Variants in FRMPD2 observed in about 807,000 individuals in gnomAD.
The protein encoded by FRMPD2 is FERM and PDZ domain-containing protein 2.
In FRMPD2, 96 loss-of-function variants were observed where a neutral mutation model predicts 140.1. That is an observed-to-expected ratio of 0.69 (90% CI 0.58 to 0.81). The LOEUF is 0.81. FRMPD2 is among the 40% of genes least tolerant of loss of function. The probability of loss-of-function intolerance (pLI) is 0.00; values close to 1 mark genes in which losing one functional copy is unlikely to be tolerated. For synonymous variants in FRMPD2, 449 were observed against 547.6 expected (o/e 0.82, Z 2.52); for missense variants, 1,240 against 1,447.4 (o/e 0.86, Z 2.32).
Position 48,268,207 on chromosome 10 carries a change from GA to G in FRMPD2, c.25+6335del, listed in dbSNP as rs535409273. On this transcript the variant is annotated intron_variant, in intron 1 of 28. Transcript: ENST00000374201. ...ATATCCCTCCCCACCTATATGACAG[GA>G]AAAAAAAATAAAGTGACAATACCAA... is the stretch of plus-strand genomic sequence containing the variant. Among the ~76,000 whole-genome samples the G allele has an allele frequency of 2.7e-5, 4 of 150,728 alleles. No individual in the cohort carries two copies. The South Asian group carries it at 8.4e-4, about 32-fold the overall frequency.
At chr10:48,246,724 G>A (rs1432997095) in intron 3 of FRMPD2, among the ~76,000 whole-genome samples, 1 of 152,206 alleles carries the variant, frequency 6.6e-6, no homozygotes, top group Non-Finnish European at 1.5e-5. Flanking sequence ...ACTGGGGGAG[G>A]ATTCTGAGCA....
At chr10:48,256,310 C>T (rs10857552) in intron 1 of FRMPD2, among the ~76,000 whole-genome samples, 2 of 152,114 alleles carry the variant, frequency 1.3e-5, no homozygotes, top group Admixed American at 6.5e-5. Flanking sequence ...CCACCTCACC[C>T]GGGCGGCACA....
In FRMPD2 at chr10:48,239,618, G is replaced by A; in HGVS notation, c.775C>T (p.Leu259Phe). Residue 259 changes from leucine (L) to phenylalanine (F), a missense_variant, in exon 7 of 29, where the codon CTC (leucine) becomes TTC (phenylalanine). By Grantham distance (22) the Leu-to-Phe change is conservative. Transcript: ENST00000374201. Reference protein sequence around the residue: ...WSTLTHSHCSLLVNRALPGAD... With the variant: ...WSTLTHSHCSFLVNRALPGAD... ...CTTGCTGCTTACCGGTTAACAAGGA[G>A]GCTGCAGTGACTGTGTGTCAAGGTG... 1.9e-6 allele frequency: 3 copies of A among 1,613,976 alleles called. No homozygotes were observed.
intron 13 of FRMPD2, among the ~76,000 whole-genome samples, chr10:48,208,360 T>C (rs1209969295): frequency 6.6e-6 from 1 of 152,236 alleles, no homozygotes; most frequent in Non-Finnish European, 1.5e-5. Context: ...CAAAGAGAGA[T>C]ACGATGCTTT....
At chr10:48,253,200 T>C (rs576014919) in intron 1 of FRMPD2, among the ~76,000 whole-genome samples, 2 of 152,332 alleles carry the variant, frequency 1.3e-5, no homozygotes, top group African/African-American at 4.8e-5. Flanking sequence ...AGTACAATAA[T>C]TCAATGGAGG....
intron 16 of FRMPD2, 136 bp from the exon 17 acceptor site, chr10:48,187,428 C>T (rs1838716083): frequency 1.5e-6 from 1 of 657,922 alleles, no homozygotes; most frequent in South Asian, 1.8e-5. Flanking sequence ...AGCCTTGTGT[C>T]CAGTCATCCA....
chr10:48,206,106 GGTACAGTGCCAGA>G (rs1160645958), intron 14 of FRMPD2, among the ~76,000 whole-genome samples: 3 of 152,116 alleles, frequency 2.0e-5, no homozygotes, highest in African/African-American at 7.2e-5. Context: ...CAGCCACCAG[GGTACAGTGCCAGA>G]GTGACTCACT....
rs745856507 is a variant in FRMPD2 at position 48,192,914 on chromosome 10, CAT to C, written c.1955-22_1955-21del. On this transcript the variant is annotated intron_variant, in intron 15 of 28. Coordinates refer to ENST00000374201, the MANE Select transcript of FRMPD2 (RefSeq NM_001018071.4). ...CATGGTCTGAATTTGGGGAGAAAAA[CAT>C]AGACATACACACACACAAGAATGAT... 3.2e-6 allele frequency: 5 copies of C among 1,555,728 alleles called. No homozygotes were observed. The African/African-American group carries it at 5.4e-5, about 17-fold the overall frequency.
chr10:48,231,966 G>A (rs563851899), intron 10 of FRMPD2, 149 bp downstream of exon 10: 12 of 666,248 alleles, frequency 1.8e-5, no homozygotes, highest in Non-Finnish European at 3.2e-5. Context: ...AGTACTTGAA[G>A]CCCTCGTCAT....
intron 20 of FRMPD2, among the ~76,000 whole-genome samples, chr10:48,181,878 T>TATATATATATATATATATAC (rs1564417058): frequency 8.3e-5 from 3 of 36,240 alleles, no homozygotes; most frequent in African/African-American, 2.9e-4. Flanking sequence ...TATATATATA[T>TATATATATATATATATATAC]GGCTCTCATA....
intron 13 of FRMPD2, 109 bp from the exon 14 acceptor site, chr10:48,207,042 A>G (rs1839217153): frequency 1.1e-6 from 1 of 948,042 alleles, no homozygotes. Flanking sequence ...CTGAAAAGAA[A>G]GAGTAGAATT....
intron 20 of FRMPD2, among the ~76,000 whole-genome samples, chr10:48,182,791 G>T (rs1186787465): frequency 6.6e-6 from 1 of 152,208 alleles, no homozygotes; most frequent in African/African-American, 2.4e-5. Flanking sequence ...GGCCATCCTT[G>T]GACTATGCTG....
At position 48,172,908 on chromosome 10, in the gene FRMPD2, A is replaced by C; in HGVS notation, c.3223+38T>G. The C allele has an allele frequency of 3.2e-6, 3 of 943,626 alleles. 1 individual carries two copies. Among genetic ancestry groups the C allele is most frequent in the Non-Finnish European group, 5.0e-6 (3 of 597,614 alleles). 58.5% of individuals were successfully genotyped at this position (943,626 alleles called of 1,614,324 possible). A position where few individuals can be genotyped will look rare whatever the true frequency, so the allele number is the denominator to read the frequency against. ...GACAATTCAAAAGCGGCACACAATA[A>C]CATGACAATAGTAACACTCAATTCT... On this transcript the variant is annotated intron_variant, in intron 25 of 28. Transcript: ENST00000374201.
At chr10:48,213,795 AG>A (rs1839385408) in intron 12 of FRMPD2, among the ~76,000 whole-genome samples, 1 of 152,248 alleles carries the variant, frequency 6.6e-6, no homozygotes, top group Admixed American at 6.5e-5. Context: ...AAGTATAAAA[AG>A]ATCAGGAGTT....
chr10:48,176,062 G>T (rs1384486244), intron 22 of FRMPD2, 123 bp from the exon 23 acceptor site: 2 of 650,530 alleles, frequency 3.1e-6, no homozygotes, highest in African/African-American at 1.8e-5. Context: ...CCTCCGACTG[G>T]CACTGTCTTC....
At chr10:48,265,318 T>C (rs1840660333) in intron 1 of FRMPD2, among the ~76,000 whole-genome samples, 1 of 152,154 alleles carries the variant, frequency 6.6e-6, no homozygotes, top group Non-Finnish European at 1.5e-5. Context: ...AAAGATTTTA[T>C]TACGATGATG....
intron 12 of FRMPD2, among the ~76,000 whole-genome samples, chr10:48,212,385 G>A (rs1839348036): frequency 6.6e-6 from 1 of 152,136 alleles, no homozygotes; most frequent in Non-Finnish European, 1.5e-5. Context: ...ATTCTCACAG[G>A]AATACTCTGA....
chr10:48,179,361 A>G (rs1838485821), intron 21 of FRMPD2, among the ~76,000 whole-genome samples: 1 of 147,984 alleles, frequency 6.8e-6, no homozygotes, highest in Admixed American at 6.7e-5. Flanking sequence ...AGGGCACAAG[A>G]CCCTCAAGTG....
intron 1 of FRMPD2, among the ~76,000 whole-genome samples, chr10:48,268,355 A>G (rs990379041): frequency 6.6e-6 from 1 of 152,120 alleles, no homozygotes; most frequent in African/African-American, 2.4e-5. Context: ...AACTAAACAT[A>G]CTCTTACTAT....
Sources: gnomAD v4.1 joint callset for allele counts (sites outside exome capture counted in the v4.1 genomes callset) on GRCh38, gnomAD v4.1.1 for gene constraint, MANE v1.5 for transcripts, NCBI Gene and HGNC (gene_info 2026-07-23, HGNC 2026-07-21) for gene names.